The following ZNF362 variants were observed in gnomAD, a reference collection of about 807,000 sequenced individuals.
ZNF362 encodes the protein rotund homolog.
A neutral mutation model predicts 42.9 loss-of-function variants in ZNF362; 11 were observed. The observed-to-expected ratio is 0.26, with a 90% CI of 0.16 to 0.42. ZNF362 has a LOEUF of 0.42. Ranked by LOEUF, ZNF362 falls within the 20% of genes least tolerant of loss-of-function variation. The pLI, the probability that ZNF362 is intolerant of heterozygous loss-of-function variation, is 1.00. For synonymous variants in ZNF362, 255 were observed against 257.3 expected, an observed-to-expected ratio of 0.99 and a Z score of 0.09; for missense variants, 362 against 576.2, an observed-to-expected ratio of 0.63 and a Z score of 3.81.
chr1:33,189,654 T>TATATATATATGTATATATATAC, the ZNF362 span, among the ~76,000 whole-genome samples: 1 of 15,532 alleles, frequency 6.4e-5, no homozygotes, highest in African/African-American at 1.2e-4. Flanking sequence ...TATATATATA[T>TATATATATATGTATATATATAC]ATATATATAT....
Position 33,276,789 on chromosome 1 carries a change from C to G in ZNF362, c.349+195C>G, listed in dbSNP as rs1645953548. ...GCACCGGACTTCCAACGACCCAGTA[C>G]TGGAAGGACCCTTCTCCCCCCAGTG... is the stretch of plus-strand genomic sequence containing the variant. On this transcript the variant is annotated intron_variant, in intron 4 of 8. Transcript: ENST00000539719. Among the ~76,000 whole-genome samples, 5 of 152,238 alleles carry G rather than the reference C, an allele frequency of 3.3e-5. No individual in the cohort carries two copies. The South Asian group carries it at 1.0e-3, about 31-fold the overall frequency.
At chr1:33,165,389 C>G in the ZNF362 span, 2 of 1,306,918 alleles carry the variant, frequency 1.5e-6, no homozygotes, top group Non-Finnish European at 2.1e-6. The surrounding 1 kb of genome is among the most constrained non-coding windows in gnomAD (Gnocchi z 4.0). Context: ...GAGGCCCCGC[C>G]CCTCTTCCCC....
chr1:33,204,552 A>G, the ZNF362 span, among the ~76,000 whole-genome samples: 2 of 152,230 alleles, frequency 1.3e-5, no homozygotes, highest in Non-Finnish European at 2.9e-5. Context: ...AAACCTGTAT[A>G]TGGAATTCAG....
chr1:33,131,365 C>T, the ZNF362 span, among the ~76,000 whole-genome samples: 5 of 152,198 alleles, frequency 3.3e-5, no homozygotes, highest in Non-Finnish European at 5.9e-5. Context: ...AAGATTGAGG[C>T]TAGGACTTTT....
At chr1:33,223,171 AAC>A in the ZNF362 span, among the ~76,000 whole-genome samples, 35 of 152,052 alleles carry the variant, frequency 2.3e-4, no homozygotes, top group Non-Finnish European at 5.0e-4. Flanking sequence ...GAATCACTTG[AAC>A]CCAGGAAGCA....
chr1:33,251,752 T>A (rs1645763126), upstream of ZNF362, among the ~76,000 whole-genome samples: 1 of 152,232 alleles, frequency 6.6e-6, no homozygotes, highest in South Asian at 2.1e-4. Flanking sequence ...CACTCTTCCC[T>A]GGTGTCAGCT....
At chr1:33,144,278 C>T in the ZNF362 span, among the ~76,000 whole-genome samples, 1 of 152,154 alleles carries the variant, frequency 6.6e-6, no homozygotes, top group Non-Finnish European at 1.5e-5. Flanking sequence ...GCTGGGATTA[C>T]AGGCATGTGC....
At chr1:33,242,380 T>C in the ZNF362 span, among the ~76,000 whole-genome samples, 1 of 152,134 alleles carries the variant, frequency 6.6e-6, no homozygotes, top group Non-Finnish European at 1.5e-5. Context: ...AAGTGGTTGC[T>C]GGGGAGAAAT....
chr1:33,289,294 A>G (rs1011749632), intron 6 of ZNF362, among the ~76,000 whole-genome samples: 3 of 152,202 alleles, frequency 2.0e-5, no homozygotes, highest in Admixed American at 1.3e-4. Context: ...AGGAGGCCTT[A>G]GAAACCAAGG....
intron 4 of ZNF362, among the ~76,000 whole-genome samples, chr1:33,276,969 G>A (rs1340820473): frequency 6.6e-6 from 1 of 152,382 alleles, no homozygotes; most frequent in Non-Finnish European, 1.5e-5. Context: ...GGAGCCAAAA[G>A]GCGAGGAAAG....
At chr1:33,279,870 C>T (rs1248616100) in intron 4 of ZNF362, among the ~76,000 whole-genome samples, 1 of 152,076 alleles carries the variant, frequency 6.6e-6, no homozygotes, top group Non-Finnish European at 1.5e-5. Flanking sequence ...AATAAGACGG[C>T]AGTGAACTTC....
At chr1:33,231,572 C>A in the ZNF362 span, among the ~76,000 whole-genome samples, 4 of 152,128 alleles carry the variant, frequency 2.6e-5, no homozygotes, top group African/African-American at 9.7e-5. Flanking sequence ...TCCCATAGCA[C>A]CACTTACCTG....
At chr1:33,164,475 G>A in the ZNF362 span, 2 of 152,536 alleles carry the variant, frequency 1.3e-5, no homozygotes, top group South Asian at 4.1e-4. Context: ...AGTCCCCACT[G>A]GACAGATGGG....
At chr1:33,235,180 T>C in the ZNF362 span, among the ~76,000 whole-genome samples, 1 of 152,098 alleles carries the variant, frequency 6.6e-6, no homozygotes, top group Non-Finnish European at 1.5e-5. Flanking sequence ...TGCTTGGTAA[T>C]GGACCATGTT....
chr1:33,195,178 G>A, the ZNF362 span: 1 of 152,164 alleles, frequency 6.6e-6, no homozygotes, highest in African/African-American at 2.4e-5. Flanking sequence ...TCTACATTCA[G>A]TTAACCAGCA....
At chr1:33,214,584 G>T in the ZNF362 span, among the ~76,000 whole-genome samples, 4 of 152,138 alleles carry the variant, frequency 2.6e-5, no homozygotes, top group African/African-American at 9.7e-5. Context: ...GGCAATATTT[G>T]CAAACTACCC....
chr1:33,264,707 C>T (rs1426845289), intron 1 of ZNF362, among the ~76,000 whole-genome samples: 1 of 152,094 alleles, frequency 6.6e-6, no homozygotes, highest in African/African-American at 2.4e-5. Flanking sequence ...AAAGGAGGCC[C>T]AGAGAGAAAA....
chr1:33,233,757 CTT>C, the ZNF362 span, among the ~76,000 whole-genome samples: 1 of 152,062 alleles, frequency 6.6e-6, no homozygotes, highest in East Asian at 1.9e-4. Flanking sequence ...TCCCCTGAGA[CTT>C]TGTGCCTCTG....
At chr1:33,272,818 T>C (rs1031733912) in intron 2 of ZNF362, among the ~76,000 whole-genome samples, 2 of 152,244 alleles carry the variant, frequency 1.3e-5, no homozygotes, top group Non-Finnish European at 2.9e-5. Flanking sequence ...CCCACCTCCC[T>C]GGTCTGCAGC....
Sources: gnomAD v4.1 joint callset for allele counts (sites outside exome capture counted in the v4.1 genomes callset) on GRCh38, gnomAD v4.1.1 for gene constraint, Gnocchi (gnomAD v3.1) non-coding constraint, MANE v1.5 for transcripts, NCBI Gene and HGNC (gene_info 2026-07-23, HGNC 2026-07-21) for gene names.